Variants in RPGRIP1 observed in about 807,000 individuals in gnomAD.
RPGRIP1 encodes the protein X-linked retinitis pigmentosa GTPase regulator-interacting protein 1.
Under a neutral mutation model 157.9 loss-of-function variants are expected in RPGRIP1, and 128 were observed. That is an observed-to-expected ratio of 0.81 (90% CI 0.70 to 0.94). RPGRIP1 has a LOEUF of 0.94. Ranked by LOEUF, RPGRIP1 falls within the 40% of genes least tolerant of loss-of-function variation. The pLI, the probability that RPGRIP1 is intolerant of heterozygous loss-of-function variation, is 0.00. For synonymous variants in RPGRIP1, 554 were observed against 571.6 expected (o/e 0.97, Z 0.44); for missense variants, 1,486 against 1,545.8 (o/e 0.96, Z 0.65).
rs746897328 is a variant in RPGRIP1, at chr14:21,322,004, G to T, written c.1762G>T (p.Glu588Ter). 1.9e-6 allele frequency: 3 copies of T among 1,611,738 alleles called. No homozygotes were observed. In the East Asian group the frequency reaches 6.7e-5, roughly 36 times the overall value. The change falls in exon 14 of 25, where the codon GAA becomes TAA. Residue 588 changes from glutamate to a stop codon, truncating the protein, a stop_gained and splice_region_variant. Coordinates refer to ENST00000400017, the MANE Select transcript of RPGRIP1 (RefSeq NM_020366.4). LOFTEE classifies it high-confidence loss of function. ...ILRSHDLPTS[E>*]QLKDVAYGTR... ...AAGAAGCCATGACCTTCCAACATCT[G>T]GCAAGTCTTAGTCCTTTGTTCTCCT...
At position 21,294,720 on chromosome 14, in the gene RPGRIP1, G is replaced by C; in HGVS notation, c.129G>C (p.Arg43=). 6.2e-7 allele frequency: 1 copy of C among 1,613,574 alleles called. No individual in the cohort carries two copies. Among genetic ancestry groups the C allele is most frequent in the Non-Finnish European group, 8.5e-7 (1 of 1,179,718 alleles). ...KTQPPLSRMN[R]EELEDSFFRL... is the part of the protein sequence containing the mutation. ...AACCACCCTTGAGCAGGATGAACCG[G>C]GAGGAATTGGAGGACAGTTTCTTTC... Residue 43 remains arginine, a synonymous_variant, in exon 3 of 25, where the codon CGG becomes CGC. Coordinates refer to ENST00000400017, the MANE Select transcript of RPGRIP1 (RefSeq NM_020366.4).
At chr14:21,340,063 G>A (rs530024168) in intron 21 of RPGRIP1, among the ~76,000 whole-genome samples, 12 of 152,256 alleles carry the variant, frequency 7.9e-5, no homozygotes, top group Non-Finnish European at 1.3e-4. Context: ...AGAACGAGAA[G>A]GGAAGAGCTA....
chr14:21,302,730 T>C, intron 5 of RPGRIP1, 146 bp downstream of exon 5: 1 of 466,044 alleles, frequency 2.1e-6, no homozygotes, highest in Non-Finnish European at 3.8e-6. Context: ...AAATTCCAAC[T>C]TCATTGCTTA....
intron 2 of RPGRIP1, among the ~76,000 whole-genome samples, chr14:21,290,289 A>T (rs112069894): frequency 1.3e-5 from 2 of 152,220 alleles, no homozygotes; most frequent in Non-Finnish European, 2.9e-5. Context: ...TCCTACCAGC[A>T]ACGTATGATG....
At chr14:21,320,204 C>A in intron 12 of RPGRIP1, 27 bp downstream of exon 12, 1 of 1,594,090 alleles carries the variant, frequency 6.3e-7, no homozygotes, top group Non-Finnish European at 8.6e-7. Context: ...ACAAACTAGT[C>A]CACTCTGCAG....
intron 14 of RPGRIP1, chr14:21,324,217 C>G: frequency 3.3e-6 from 1 of 307,670 alleles, no homozygotes; most frequent in Non-Finnish European, 6.3e-6. Flanking sequence ...TTGCTATTAT[C>G]TCCACGGCCA....
intron 6 of RPGRIP1, among the ~76,000 whole-genome samples, chr14:21,304,390 A>AGAAG (rs1276401196): frequency 7.1e-5 from 1 of 14,176 alleles, no homozygotes; most frequent in Non-Finnish European, 1.5e-4. Context: ...AAGGAGAGAG[A>AGAAG]GAAAGAAAGA....
chr14:21,329,209 G>A (rs1883452593), intron 19 of RPGRIP1, among the ~76,000 whole-genome samples: 1 of 150,706 alleles, frequency 6.6e-6, no homozygotes, highest in Admixed American at 6.6e-5. Flanking sequence ...CAGCTACTCA[G>A]TCGGGAGGCT....
rs768077459 is a variant in RPGRIP1, at chr14:21,351,214, TGAAG to T, written c.*2_*5del. On this transcript the variant is annotated stop_retained_variant and 3_prime_UTR_variant, in exon 25 of 25. Transcript: ENST00000400017. Reference sequence around the variant, plus strand: ...GGAGATGACTGAAGATTTGTTTTCATGAAGGAACAAGTGCTATTCCAATCTAAAA... The same window carrying T: ...GGAGATGACTGAAGATTTGTTTTCATGAACAAGTGCTATTCCAATCTAAAA... The T allele has an allele frequency of 6.3e-7, 1 of 1,577,402 alleles. No individual in the cohort carries two copies. The highest frequency in any genetic ancestry group is 1.3e-5 in the African/African-American group (1 of 74,312).
chr14:21,342,922 A>G (rs1196950995), intron 21 of RPGRIP1, 114 bp from the exon 22 acceptor site: 43 of 704,770 alleles, frequency 6.1e-5, no homozygotes, highest in Non-Finnish European at 9.9e-5. Flanking sequence ...TATAGTAGAT[A>G]GATTATACCT....
chr14:21,300,961 C>T lies in RPGRIP1; in HGVS notation c.219-5C>T. The T allele has an allele frequency of 6.2e-7, 1 of 1,611,960 alleles. No individual in the cohort carries two copies. Among genetic ancestry groups the T allele is most frequent in the Non-Finnish European group, 8.5e-7 (1 of 1,179,126 alleles). ...GGAGAAGCCACGTGCTCTATTTGTC[C>T]ACAGGCTGAGGACCACCTTGCTGCG... On this transcript the variant is annotated splice_region_variant and splice_polypyrimidine_tract_variant and intron_variant, in intron 3 of 24. Coordinates refer to ENST00000400017, the MANE Select transcript of RPGRIP1 (RefSeq NM_020366.4).
intron 6 of RPGRIP1, 62 bp downstream of exon 6, chr14:21,303,605 T>C (rs994822001): frequency 8.1e-7 from 1 of 1,239,170 alleles, no homozygotes; most frequent in Non-Finnish European, 1.2e-6. Flanking sequence ...GAGATTCTTA[T>C]TTATACCTTT....
intron 14 of RPGRIP1, 71 bp from the exon 15 acceptor site, chr14:21,324,547 G>A (rs1225753477): frequency 7.9e-7 from 1 of 1,264,080 alleles, no homozygotes; most frequent in South Asian, 1.2e-5. Context: ...TATTTCTTTT[G>A]TCCACCCTCC....
intron 22 of RPGRIP1, among the ~76,000 whole-genome samples, chr14:21,343,439 A>G (rs373987964): frequency 3.9e-5 from 6 of 152,250 alleles, no homozygotes; most frequent in African/African-American, 1.4e-4. Flanking sequence ...TTCACAGATC[A>G]CTTCGCCTGT....
intron 24 of RPGRIP1, among the ~76,000 whole-genome samples, chr14:21,349,399 CTTTT>C (rs71112577): frequency 4.9e-5 from 4 of 82,012 alleles, no homozygotes; most frequent in African/African-American, 8.9e-5. Flanking sequence ...TAATTTCTTT[CTTTT>C]TTTTTTTTTT....
At chr14:21,325,525 A>G in intron 16 of RPGRIP1, 142 bp downstream of exon 16, 2 of 864,462 alleles carry the variant, frequency 2.3e-6, no homozygotes, top group South Asian at 1.8e-5. Context: ...AGTCTGGATT[A>G]TTCCCTTGGT....
chr14:21,332,476 T>C (rs1163091503), intron 20 of RPGRIP1, among the ~76,000 whole-genome samples: 2 of 152,208 alleles, frequency 1.3e-5, no homozygotes, highest in Non-Finnish European at 2.9e-5. Flanking sequence ...ATTCCATTCT[T>C]ATGATTTGCA....
rs869065591 is a variant in RPGRIP1 at position 21,335,046 on chromosome 14, C to CAAAAAAAAAAAAAAAAAAAAAA, written c.3339+345_3339+366dup. ...GGGCAACAAGAGCAAAACTCTGTCT[C>CAAAAAAAAAAAAAAAAAAAAAA]AAAAAAAAAAAAAAAAAAAAAAAAA... On this transcript the variant is annotated intron_variant, in intron 21 of 24. Transcript: ENST00000400017. Among the ~76,000 whole-genome samples the CAAAAAAAAAAAAAAAAAAAAAA allele has an allele frequency of 7.1e-5, 2 of 28,050 alleles. 1 individual carries two copies. Among genetic ancestry groups the CAAAAAAAAAAAAAAAAAAAAAA allele is most frequent in the Non-Finnish European group, 1.5e-4 (2 of 13,482 alleles). The allele number at this position is 28,050 out of a possible 152,430, so 18.4% of individuals were successfully genotyped here. A position where few individuals can be genotyped will look rare whatever the true frequency, so the allele number is the denominator to read the frequency against.
At chr14:21,319,464 A>G (rs1179929981) in intron 11 of RPGRIP1, among the ~76,000 whole-genome samples, 1 of 152,176 alleles carries the variant, frequency 6.6e-6, no homozygotes, top group Non-Finnish European at 1.5e-5. Context: ...CAGGAGGCTG[A>G]GGCACAAGAA....
Sources: allele counts gnomAD v4.1 joint callset (sites outside exome capture counted in the v4.1 genomes callset), GRCh38; gene constraint gnomAD v4.1.1; transcripts MANE v1.5; gene names NCBI Gene and HGNC (gene_info 2026-07-23, HGNC 2026-07-21).